SIRT5: variants seen among roughly 807,000 people sequenced by gnomAD.
SIRT5 encodes the protein sirtuin 5.
In SIRT5, 26 loss-of-function variants were observed where a neutral mutation model predicts 40.0. The observed-to-expected ratio is 0.65, with a 90% CI of 0.48 to 0.90. The LOEUF (loss-of-function observed/expected upper bound fraction) is 0.90. Ranked by LOEUF, SIRT5 falls within the 40% of genes least tolerant of loss-of-function variation. The pLI, the probability that SIRT5 is intolerant of heterozygous loss-of-function variation, is 0.00. For missense variants in SIRT5, 401 were observed against 402.4 expected (o/e 1.00, Z 0.03); for synonymous variants, 146 against 149.1 (o/e 0.98, Z 0.15).
At chr6:13,575,710 A>G (rs1311685211) in intron 1 of SIRT5, among the ~76,000 whole-genome samples, 1 of 152,192 alleles carries the variant, frequency 6.6e-6, no homozygotes, top group Admixed American at 6.5e-5. Context: ...ACAATACATC[A>G]TCAACTATGG....
Position 13,600,078 on chromosome 6 carries a change from C to T in SIRT5, c.742-756C>T, listed in dbSNP as rs116376480. 8.7e-3 allele frequency among the ~76,000 whole-genome samples: 1,329 copies of T among 152,278 alleles called. 22 individuals are homozygous for T. The highest frequency in any genetic ancestry group is 0.03 in the African/African-American group (1,256 of 41,546). ...ATTTTGATAGTTTAATCAATGATAT[C>T]GTGAATATCCTTAGATAGAAATCTT... On this transcript the variant is annotated intron_variant, in intron 8 of 9. Coordinates refer to ENST00000606117, the MANE Select transcript of SIRT5 (RefSeq NM_012241.5).
chr6:13,612,051 A>G lies in SIRT5; in HGVS notation c.*186A>G, dbSNP rs1337310350. 2.1e-6 allele frequency: 1 copy of G among 467,602 alleles called. No homozygotes were observed. Among genetic ancestry groups the G allele is most frequent in the Non-Finnish European group, 3.8e-6 (1 of 262,714 alleles). 29.0% of individuals were successfully genotyped at this position (467,602 alleles called of 1,614,324 possible). A position where few individuals can be genotyped will look rare whatever the true frequency, so the allele number is the denominator to read the frequency against. ...AGTAGCAAAGAGCACCCACATTCAA[A>G]AGTCACAGAACTGGAAAGTTAATTC... On this transcript the variant is annotated 3_prime_UTR_variant, in exon 10 of 10. Coordinates refer to ENST00000606117, the MANE Select transcript of SIRT5 (RefSeq NM_012241.5).
chr6:13,602,346 A>G (rs182461916), intron 9 of SIRT5, among the ~76,000 whole-genome samples: 4 of 152,312 alleles, frequency 2.6e-5, no homozygotes, highest in Non-Finnish European at 5.9e-5. Flanking sequence ...AAAACTTACT[A>G]TGTATTAACT....
Position 13,613,504 on chromosome 6 carries a change from CA to C in SIRT5, c.*1643del, listed in dbSNP as rs1391868348. On this transcript the variant is annotated 3_prime_UTR_variant, in exon 10 of 10. Coordinates refer to ENST00000606117, the MANE Select transcript of SIRT5 (RefSeq NM_012241.5). ...TGGACCACATCACCTCAGCCCCTTG[CA>C]AAATTGCATTTAATGTTACACCCTT... The C allele has an allele frequency of 6.6e-6, 1 of 152,214 alleles. No individual in the cohort carries two copies. The highest frequency in any genetic ancestry group is 6.5e-5 in the Admixed American group (1 of 15,282). 9.4% of individuals were successfully genotyped at this position (152,214 alleles called of 1,614,324 possible). A position where few individuals can be genotyped will look rare whatever the true frequency, so the allele number is the denominator to read the frequency against.
Position 13,588,433 on chromosome 6 carries a change from C to G in SIRT5, c.218C>G (p.Ala73Gly), listed in dbSNP as rs1400014326. 1 of 1,614,122 alleles carries G rather than the reference C, an allele frequency of 6.2e-7. No individual in the cohort carries two copies. The highest frequency in any genetic ancestry group is 1.7e-5 in the Admixed American group (1 of 60,006). ...AGTGGTGTTCCGACCTTCAGAGGAGCTGGAGGTTATTGGAGAAAATGGCAA... is the reference window on the plus strand; with the variant it reads ...AGTGGTGTTCCGACCTTCAGAGGAGGTGGAGGTTATTGGAGAAAATGGCAA... The part of the protein sequence containing the change: ...AESGVPTFRG[A>G]GGYWRKWQAQ... The change falls in exon 4 of 10, where the codon GCT becomes GGT. Residue 73 changes from alanine to glycine, a missense_variant. Transcript: ENST00000606117.
intron 2 of SIRT5, among the ~76,000 whole-genome samples, chr6:13,583,162 C>T (rs1051824015): frequency 7.9e-5 from 12 of 152,060 alleles, no homozygotes; most frequent in East Asian, 3.9e-4. Flanking sequence ...GCCGTGATCA[C>T]GCCACTGCAC....
chr6:13,590,498 T>A (rs1356949091), intron 4 of SIRT5, among the ~76,000 whole-genome samples: 1 of 152,086 alleles, frequency 6.6e-6, no homozygotes. Flanking sequence ...TGTGTGTAGT[T>A]CTGTGCGTGT....
rs1764165099 is a variant in SIRT5 at position 13,614,201 on chromosome 6, T to G, written c.*2336T>G. The stretch of plus-strand genomic sequence containing the variant: ...AGACCTGGCCCTTCCCCTCAGGGGT[T>G]CACAGAATGGCTGGAGCAACTGTCA... On this transcript the variant is annotated 3_prime_UTR_variant, in exon 10 of 10. Coordinates refer to ENST00000606117, the MANE Select transcript of SIRT5 (RefSeq NM_012241.5). 1 of 152,210 alleles carries G rather than the reference T, an allele frequency of 6.6e-6. No homozygotes were observed. The highest frequency in any genetic ancestry group is 6.5e-5 in the Admixed American group (1 of 15,276). 9.4% of individuals were successfully genotyped at this position (152,210 alleles called of 1,614,324 possible).
chr6:13,605,179 G>A lies in SIRT5; in HGVS notation c.857+4230G>A, dbSNP rs200927224. On this transcript the variant is annotated intron_variant, in intron 9 of 9. Transcript: ENST00000606117. ...GAACTTTACCCTAGGTCAGGGGTCA[G>A]CAAACTACTGCCTGTGGGCCAAATT... 83 of 985,334 alleles carry A rather than the reference G, an allele frequency of 8.4e-5. No homozygotes were observed. In the Admixed American group the frequency reaches 9.2e-4, roughly 11 times the overall value. The allele number at this position is 985,334 out of a possible 1,614,324, so 61.0% of individuals were successfully genotyped here.
chr6:13,608,410 A>AC (rs1763397772), intron 9 of SIRT5, among the ~76,000 whole-genome samples: 1 of 152,098 alleles, frequency 6.6e-6, no homozygotes, highest in Non-Finnish European at 1.5e-5. Flanking sequence ...ACATGGCGAA[A>AC]CCCCATCTCT....
At chr6:13,600,075 T>C (rs1245030210) in intron 8 of SIRT5, among the ~76,000 whole-genome samples, 2 of 152,264 alleles carry the variant, frequency 1.3e-5, no homozygotes, top group African/African-American at 4.8e-5. Flanking sequence ...TAATCAATGA[T>C]ATCGTGAATA....
At chr6:13,593,559 T>A (rs1761208401) in intron 5 of SIRT5, among the ~76,000 whole-genome samples, 1 of 152,162 alleles carries the variant, frequency 6.6e-6, no homozygotes, top group African/African-American at 2.4e-5. Context: ...ATCATATATG[T>A]GTGTTAGTCA....
At chr6:13,595,924 C>A (rs1761518014) in intron 6 of SIRT5, among the ~76,000 whole-genome samples, 1 of 152,118 alleles carries the variant, frequency 6.6e-6, no homozygotes, top group South Asian at 2.1e-4. Flanking sequence ...CCTGGGAAGT[C>A]AAGGCTGCAG....
chr6:13,580,513 T>A (rs1584741311), intron 2 of SIRT5, among the ~76,000 whole-genome samples: 1 of 152,316 alleles, frequency 6.6e-6, no homozygotes, highest in African/African-American at 2.4e-5. Flanking sequence ...TTTGCCTTTT[T>A]AAAATGTCTT....
rs1307774318 is a variant in SIRT5, at chr6:13,578,940, A to G, written c.-194-511A>G. On this transcript the variant is annotated intron_variant, in intron 1 of 9. Coordinates refer to ENST00000606117, the MANE Select transcript of SIRT5 (RefSeq NM_012241.5). ...CCAAAAAGCTCCCAATGACTGATCA[A>G]TGAGTTTATTTCCTCCCTCAAGGCC... Among the ~76,000 whole-genome samples the G allele has an allele frequency of 2.0e-5, 3 of 152,306 alleles. No homozygotes were observed. The East Asian group carries it at 5.8e-4, about 29-fold the overall frequency.
At chr6:13,582,611 CA>C (rs756756300) in intron 2 of SIRT5, among the ~76,000 whole-genome samples, 452 of 122,040 alleles carry the variant, frequency 3.7e-3, no homozygotes, top group African/African-American at 7.9e-3. Flanking sequence ...TGCCTCCCAC[CA>C]AAAAAAAAAA....
Position 13,591,866 on chromosome 6 carries a change from T to A in SIRT5, c.447T>A (p.Ala149=). Residue 149 remains alanine (A), a synonymous_variant, in exon 5 of 10, where the codon GCT becomes GCA. Coordinates refer to ENST00000606117, the MANE Select transcript of SIRT5 (RefSeq NM_012241.5). ...ACATCGATGAGCTGCACCGCAAGGCTGGCACCAAGAACCTTCTGGAGATCC... is the reference window on the plus strand; with the variant it reads ...ACATCGATGAGCTGCACCGCAAGGCAGGCACCAAGAACCTTCTGGAGATCC... ...TQNIDELHRK[A]GTKNLLEIHG... 4 of 1,613,878 alleles carry A rather than the reference T, an allele frequency of 2.5e-6. No homozygotes were observed. Among genetic ancestry groups the A allele is most frequent in the Non-Finnish European group, 3.4e-6 (4 of 1,179,770 alleles).
intron 7 of SIRT5, among the ~76,000 whole-genome samples, chr6:13,597,392 G>A (rs1186011792): frequency 2.2e-5 from 3 of 138,308 alleles, no homozygotes; most frequent in African/African-American, 8.3e-5. Flanking sequence ...GAAAGGACCT[G>A]AATAGGAGAG....
chr6:13,601,217 C>T (rs938574567), intron 9 of SIRT5, among the ~76,000 whole-genome samples: 4 of 152,124 alleles, frequency 2.6e-5, no homozygotes, highest in African/African-American at 9.7e-5. Flanking sequence ...GCTTTGCTTT[C>T]CCTTACATTT....
Sources: gnomAD v4.1 joint callset for allele counts (sites outside exome capture counted in the v4.1 genomes callset) on GRCh38, gnomAD v4.1.1 for gene constraint, MANE v1.5 for transcripts, NCBI Gene and HGNC (gene_info 2026-07-23, HGNC 2026-07-21) for gene names.